Variants in FAM135B observed in about 807,000 individuals in gnomAD.
FAM135B encodes family with sequence similarity 135 member B, also known as protein FAM135B.
FAM135B carries 43 observed loss-of-function variants against 127.7 expected under a neutral mutation model. That is an observed-to-expected ratio of 0.34 (90% CI 0.26 to 0.43). The LOEUF is 0.43. FAM135B is among the 20% of genes least tolerant of loss of function. The pLI is 1.00. For synonymous variants in FAM135B, 670 were observed against 665.1 expected, an observed-to-expected ratio of 1.01 and a Z score of -0.11; for missense variants, 1,558 against 1,725.6, an observed-to-expected ratio of 0.90 and a Z score of 1.72.
intron 11 of FAM135B, among the ~76,000 whole-genome samples, chr8:138,171,926 G>A (rs1820491862): frequency 1.3e-5 from 2 of 152,150 alleles, no homozygotes; most frequent in Admixed American, 1.3e-4. Flanking sequence ...ACATATCTGT[G>A]TTTATACAGG....
chr8:138,164,383 G>A (rs563868408), intron 12 of FAM135B, among the ~76,000 whole-genome samples: 22 of 152,224 alleles, frequency 1.4e-4, no homozygotes, highest in African/African-American at 2.6e-4. Flanking sequence ...GCACTGTGCC[G>A]GAGTCCCAGC....
intron 1 of FAM135B, among the ~76,000 whole-genome samples, chr8:138,472,056 G>A (rs1346722643): frequency 2.6e-5 from 4 of 152,050 alleles, no homozygotes; most frequent in Non-Finnish European, 5.9e-5. Context: ...ATGTTCAGTG[G>A]GAAAAGAATA....
chr8:138,206,280 C>T (rs796990987), intron 7 of FAM135B, among the ~76,000 whole-genome samples: 25 of 62,516 alleles, frequency 4.0e-4, no homozygotes, highest in South Asian at 1.5e-3. Flanking sequence ...ATCCCCTCCA[C>T]CTACGCACAG....
At chr8:138,452,654 A>G (rs533892732) in intron 1 of FAM135B, among the ~76,000 whole-genome samples, 5 of 151,992 alleles carry the variant, frequency 3.3e-5, no homozygotes, top group South Asian at 2.1e-4. Flanking sequence ...ATGAGCTCAC[A>G]GTTTTTGTGG....
chr8:138,448,207 G>T (rs77455744), intron 1 of FAM135B, among the ~76,000 whole-genome samples: 3 of 152,020 alleles, frequency 2.0e-5, no homozygotes, highest in Non-Finnish European at 2.9e-5. Flanking sequence ...CCTGGGTTAC[G>T]GGGTGCCCAG....
intron 12 of FAM135B, among the ~76,000 whole-genome samples, chr8:138,161,622 T>G (rs148446843): frequency 5.9e-4 from 90 of 152,310 alleles, no homozygotes; most frequent in Middle Eastern, 3.4e-3. Context: ...AGACACTACA[T>G]AGCTAACTGC....
At chr8:138,415,587 T>C (rs575270718) in intron 1 of FAM135B, among the ~76,000 whole-genome samples, 15 of 152,196 alleles carry the variant, frequency 9.9e-5, no homozygotes, top group Non-Finnish European at 1.5e-4. Context: ...TCAGGTCTCC[T>C]GAATTTATGT....
chr8:138,435,413 C>G (rs1340396176), intron 1 of FAM135B, among the ~76,000 whole-genome samples: 3 of 152,170 alleles, frequency 2.0e-5, no homozygotes, highest in East Asian at 1.9e-4. Flanking sequence ...GGAGTGTTAT[C>G]CTCAGGTTAC....
intron 15 of FAM135B, among the ~76,000 whole-genome samples, chr8:138,145,076 G>A (rs943042481): frequency 3.9e-5 from 6 of 152,078 alleles, no homozygotes; most frequent in African/African-American, 1.4e-4. Flanking sequence ...GTGCAGTGGT[G>A]CAATCACAGT....
At position 138,242,273 on chromosome 8, in the gene FAM135B, T is replaced by C. The variant is rs1187297323; in HGVS notation, c.669+669A>G. ...GGAGAACCCTGAATAATACAGGCTG[T>C]TTATTTATGAGTAGGCCACTAATAA... On this transcript the variant is annotated intron_variant, in intron 7 of 19. Transcript: ENST00000395297. This position sits in a 1 kb window ranked among gnomAD's most constrained non-coding sequence, Gnocchi z 9.6. Among the ~76,000 whole-genome samples, 2 of 151,630 alleles carry C rather than the reference T, an allele frequency of 1.3e-5. No homozygotes were observed. The highest frequency in any genetic ancestry group is 4.9e-5 in the African/African-American group (2 of 41,188).
At chr8:138,289,359 G>A (rs935736771) in intron 3 of FAM135B, among the ~76,000 whole-genome samples, 2 of 152,158 alleles carry the variant, frequency 1.3e-5, no homozygotes, top group Non-Finnish European at 2.9e-5. Flanking sequence ...TTTACTGACT[G>A]AGGGACTGAT....
intron 4 of FAM135B, among the ~76,000 whole-genome samples, chr8:138,260,900 G>A (rs945616688): frequency 3.3e-5 from 5 of 152,016 alleles, no homozygotes; most frequent in African/African-American, 9.7e-5. Flanking sequence ...GACCTTTGGC[G>A]GAGTCTCTGT....
At chr8:138,231,366 G>A (rs776131114) in intron 7 of FAM135B, among the ~76,000 whole-genome samples, 1 of 152,056 alleles carries the variant, frequency 6.6e-6, no homozygotes, top group Non-Finnish European at 1.5e-5. Flanking sequence ...GTGAGAGTAG[G>A]GACCAGGCAG....
chr8:138,212,819 GAAC>G (rs1023776639), intron 7 of FAM135B, among the ~76,000 whole-genome samples: 3 of 152,042 alleles, frequency 2.0e-5, no homozygotes, highest in Non-Finnish European at 2.9e-5. Flanking sequence ...ATCTAATTGG[GAAC>G]AACATTACAC....
At chr8:138,167,298 C>T (rs889839720) in intron 12 of FAM135B, among the ~76,000 whole-genome samples, 11 of 152,080 alleles carry the variant, frequency 7.2e-5, no homozygotes, top group Middle Eastern at 3.2e-3. Context: ...TGGGATCAAG[C>T]GATCCTCCTG....
rs1191260315 is a variant in FAM135B at position 138,367,989 on chromosome 8, T to C, written c.-6A>G. The C allele has an allele frequency of 6.2e-7, 1 of 1,612,698 alleles. No individual in the cohort carries two copies. The highest frequency in any genetic ancestry group is 1.7e-5 in the Admixed American group (1 of 59,980). On this transcript the variant is annotated 5_prime_UTR_variant, in exon 2 of 20. Transcript: ENST00000395297. ...GTTCCTTGTATTTCAGACATGATCT[T>C]TTTGGCTCATTACCTGAAAAACAAG...
intron 12 of FAM135B, among the ~76,000 whole-genome samples, chr8:138,161,332 A>C (rs571309023): frequency 5.5e-4 from 84 of 151,854 alleles, no homozygotes; most frequent in African/African-American, 2.0e-3. Flanking sequence ...TCAATCTCTT[A>C]TCTCTTCTTC....
At chr8:138,290,229 C>T (rs564377506) in intron 3 of FAM135B, among the ~76,000 whole-genome samples, 3 of 152,048 alleles carry the variant, frequency 2.0e-5, no homozygotes, top group East Asian at 1.9e-4. Context: ...AAGGTGCGGT[C>T]GGAGATATCT....
At chr8:138,209,594 C>G (rs995377258) in intron 7 of FAM135B, among the ~76,000 whole-genome samples, 1 of 152,110 alleles carries the variant, frequency 6.6e-6, no homozygotes, top group Non-Finnish European at 1.5e-5. Context: ...CCAGGCATAG[C>G]ATGTTGATCA....
Sources: allele counts gnomAD v4.1 joint callset (sites outside exome capture counted in the v4.1 genomes callset), GRCh38; gene constraint gnomAD v4.1.1; non-coding constraint Gnocchi (gnomAD v3.1); transcripts MANE v1.5; gene names NCBI Gene and HGNC (gene_info 2026-07-23, HGNC 2026-07-21).